METTL14: variants seen among roughly 807,000 people sequenced by gnomAD.
METTL14 encodes the protein N(6)-adenosine-methyltransferase non-catalytic subunit METTL14.
A neutral mutation model predicts 62.4 loss-of-function variants in METTL14; 32 were observed. The ratio of observed to expected loss-of-function variants is 0.51; its 90% CI spans 0.39 to 0.69. The LOEUF (loss-of-function observed/expected upper bound fraction) is 0.69, where lower values mean the gene tolerates loss of function less well. METTL14 is among the 30% of genes least tolerant of loss of function. The pLI is 0.00. For missense variants in METTL14, 340 were observed against 551.9 expected (o/e 0.62, Z 3.85); for synonymous variants, 150 against 180.0 (o/e 0.83, Z 1.34).
chr4:118,702,859 C>G (rs915116999), intron 8 of METTL14, among the ~76,000 whole-genome samples: 1 of 149,534 alleles, frequency 6.7e-6, no homozygotes, highest in Non-Finnish European at 1.5e-5. Flanking sequence ...ATGTTTTATA[C>G]TCTATCTTTT....
chr4:118,698,192 T>C (rs1279452796), intron 7 of METTL14, among the ~76,000 whole-genome samples: 2 of 152,060 alleles, frequency 1.3e-5, no homozygotes, highest in African/African-American at 2.4e-5. Flanking sequence ...TGGTGTCTCA[T>C]GCCTGTAATC....
intron 5 of METTL14, among the ~76,000 whole-genome samples, chr4:118,694,104 G>T (rs900825869): frequency 4.4e-5 from 6 of 136,076 alleles, no homozygotes; most frequent in African/African-American, 8.1e-5. Flanking sequence ...AGGGGGAAAA[G>T]AATCACACAA....
chr4:118,686,871 T>A (rs1335153557), intron 1 of METTL14, among the ~76,000 whole-genome samples: 2 of 152,246 alleles, frequency 1.3e-5, no homozygotes, highest in East Asian at 3.8e-4. Context: ...GGTTGCACTC[T>A]ACTTAGCCAG....
rs1191930999 is a variant in METTL14 at position 118,692,116 on chromosome 4, T to C, written c.412+48T>C. ...ACGCTATTGCTGACTCTCAATTACA[T>C]GCATGTAATTTATCCAATTTGTGGA... On this transcript the variant is annotated intron_variant, in intron 5 of 10. Coordinates refer to ENST00000388822, the MANE Select transcript of METTL14 (RefSeq NM_020961.4). 5.7e-6 allele frequency: 6 copies of C among 1,060,060 alleles called. No homozygotes were observed. The East Asian group carries it at 1.5e-4, about 27-fold the overall frequency. 65.7% of individuals were successfully genotyped at this position (1,060,060 alleles called of 1,614,324 possible). A position where few individuals can be genotyped will look rare whatever the true frequency, so the allele number is the denominator to read the frequency against.
intron 10 of METTL14, among the ~76,000 whole-genome samples, chr4:118,708,904 C>T (rs1724837293): frequency 6.6e-6 from 1 of 152,184 alleles, no homozygotes; most frequent in African/African-American, 2.4e-5. Flanking sequence ...AACCCCAGAG[C>T]ACCGTGTCTG....
intron 7 of METTL14, among the ~76,000 whole-genome samples, chr4:118,699,848 T>C (rs1193685589): frequency 6.6e-6 from 1 of 152,182 alleles, no homozygotes; most frequent in African/African-American, 2.4e-5. Flanking sequence ...TTTTATGAGA[T>C]ACCGTCCTGA....
chr4:118,692,120 T>C (rs774620608), intron 5 of METTL14, 52 bp downstream of exon 5: 2 of 1,055,116 alleles, frequency 1.9e-6, no homozygotes, highest in South Asian at 1.5e-5. Flanking sequence ...ATTACATGCA[T>C]GTAATTTATC....
chr4:118,692,718 T>G (rs1166795445), intron 5 of METTL14, among the ~76,000 whole-genome samples: 4 of 152,234 alleles, frequency 2.6e-5, no homozygotes, highest in Non-Finnish European at 4.4e-5. Context: ...AGAGTTTTTT[T>G]TTAATGTATC....
At chr4:118,691,860 C>A (rs917341825) in intron 4 of METTL14, 121 bp from the exon 5 acceptor site, 7 of 670,316 alleles carry the variant, frequency 1.0e-5, no homozygotes, top group African/African-American at 1.9e-5. Flanking sequence ...TCAAATATTA[C>A]TAATTTTTAA....
intron 8 of METTL14, 106 bp from the exon 9 acceptor site, chr4:118,703,828 TA>T: frequency 1.7e-6 from 1 of 596,912 alleles, no homozygotes; most frequent in Non-Finnish European, 2.9e-6. Flanking sequence ...CCTTGGAATA[TA>T]GTGTCTGAAA....
intron 1 of METTL14, chr4:118,686,750 T>C: frequency 2.4e-6 from 1 of 419,066 alleles, no homozygotes; most frequent in South Asian, 1.7e-5. Flanking sequence ...TCCTTAATAT[T>C]GAATTCAAAC....
rs1724937587 is a variant in METTL14, at chr4:118,712,033, G to C, written c.*1731G>C. The C allele has an allele frequency of 6.6e-6, 1 of 152,266 alleles. No homozygotes were observed. The highest frequency in any genetic ancestry group is 1.9e-4 in the East Asian group (1 of 5,178). 9.4% of individuals were successfully genotyped at this position (152,266 alleles called of 1,614,324 possible). On this transcript the variant is annotated 3_prime_UTR_variant, in exon 11 of 11. Coordinates refer to ENST00000388822, the MANE Select transcript of METTL14 (RefSeq NM_020961.4). ...GCTGCTTTGTCGGTTGAAAGTTAAG[G>C]GGAGCCATGATCTACCATATTTAGG...
chr4:118,694,634 CA>C, intron 6 of METTL14, 108 bp downstream of exon 6: 2 of 787,028 alleles, frequency 2.5e-6, no homozygotes, highest in South Asian at 1.6e-5. Flanking sequence ...CTTATGTTAA[CA>C]TGCTTTATTA....
Position 118,690,694 on chromosome 4 carries a change from A to AAC in METTL14, c.244-834_244-833dup, listed in dbSNP as rs1560877265. Among the ~76,000 whole-genome samples, 9 of 150,328 alleles carry AAC rather than the reference A, an allele frequency of 6.0e-5. 1 individual carries two copies. The highest frequency in any genetic ancestry group is 5.9e-5 in the Non-Finnish European group (4 of 67,478). On this transcript the variant is annotated intron_variant, in intron 3 of 10. Coordinates refer to ENST00000388822, the MANE Select transcript of METTL14 (RefSeq NM_020961.4). ...CTCTGTCTCAAAAAAAAAAAAAAAA[A>AAC]ACACAAAACTTTGGGTAATTGATTG...
chr4:118,703,070 A>C (rs910916118), intron 8 of METTL14, among the ~76,000 whole-genome samples: 3 of 151,612 alleles, frequency 2.0e-5, no homozygotes, highest in Admixed American at 2.0e-4. Flanking sequence ...ATCAACCCGT[A>C]ATCTACATTA....
intron 2 of METTL14, among the ~76,000 whole-genome samples, 158 bp downstream of exon 2, chr4:118,688,169 A>G (rs1724133775): frequency 1.3e-5 from 2 of 151,646 alleles, no homozygotes; most frequent in African/African-American, 2.4e-5. Flanking sequence ...CAAAGTGCTG[A>G]GATTACAGAT....
Position 118,705,474 on chromosome 4 carries a change from A to T in METTL14, c.856-137A>T. On this transcript the variant is annotated intron_variant, in intron 9 of 10. Transcript: ENST00000388822. ...GGGTGACAGAGCGAGACCCAGTCTC[A>T]AAAAGAAGAGAAATAACTGTATCCC... The T allele has an allele frequency of 5.2e-5, 38 of 735,630 alleles. 1 individual carries two copies. The South Asian group carries it at 7.0e-4, about 14-fold the overall frequency. The allele number at this position is 735,630 out of a possible 1,614,324, so 45.6% of individuals were successfully genotyped here.
At chr4:118,698,349 A>T (rs1724482807) in intron 7 of METTL14, among the ~76,000 whole-genome samples, 3 of 148,646 alleles carry the variant, frequency 2.0e-5, no homozygotes. Context: ...GCTACTCGGG[A>T]GGCTGAGGCA....
At chr4:118,706,107 A>C (rs188985891) in intron 10 of METTL14, among the ~76,000 whole-genome samples, 231 of 152,224 alleles carry the variant, frequency 1.5e-3, no homozygotes, top group African/African-American at 5.4e-3. Flanking sequence ...CATCATAATC[A>C]CTCAAAGTCC....
Sources: gnomAD v4.1 joint callset for allele counts (sites outside exome capture counted in the v4.1 genomes callset) on GRCh38, gnomAD v4.1.1 for gene constraint, MANE v1.5 for transcripts, NCBI Gene and HGNC (gene_info 2026-07-23, HGNC 2026-07-21) for gene names.